Variants in RBFOX1 observed in about 807,000 individuals in gnomAD.
RBFOX1 encodes RNA binding protein fox-1 homolog 1.
Under a neutral mutation model 57.7 loss-of-function variants are expected in RBFOX1, and 8 were observed. That is an observed-to-expected ratio of 0.14 (90% CI 0.08 to 0.25). RBFOX1 has a LOEUF of 0.25. Among genes scored for constraint, RBFOX1 ranks in the 10% least tolerant of loss-of-function variants. The pLI is 1.00. For synonymous variants in RBFOX1, 326 were observed against 222.4 expected, an observed-to-expected ratio of 1.47 and a Z score of -4.15; for missense variants, 611 against 548.5, an observed-to-expected ratio of 1.11 and a Z score of -1.14.
chr16:7,449,608 A>T (rs767869704), intron 4 of RBFOX1, among the ~76,000 whole-genome samples: 2 of 151,440 alleles, frequency 1.3e-5, no homozygotes, highest in African/African-American at 4.9e-5. Flanking sequence ...TCTCTACTCA[A>T]TTCAAGCCTG....
intron 14 of RBFOX1, among the ~76,000 whole-genome samples, chr16:7,706,065 G>C (rs1598589983): frequency 6.6e-6 from 1 of 152,126 alleles, no homozygotes; most frequent in Admixed American, 6.5e-5. Context: ...GCTGTGCTTA[G>C]CCAGCTCTGA....
intron 2 of RBFOX1, among the ~76,000 whole-genome samples, chr16:6,629,465 C>T (rs563095637): frequency 6.6e-6 from 1 of 152,152 alleles, no homozygotes; most frequent in East Asian, 1.9e-4. Flanking sequence ...ATTAATGTCA[C>T]AAATAGTTAA....
chr16:6,775,590 C>A (rs2079185882), intron 3 of RBFOX1: 1 of 152,162 alleles, frequency 6.6e-6, no homozygotes, highest in Non-Finnish European at 1.5e-5. Flanking sequence ...ATGGAGGGTT[C>A]TGACAGTTAT....
intron 3 of RBFOX1, among the ~76,000 whole-genome samples, chr16:6,927,454 G>T (rs1364894820): frequency 7.5e-6 from 1 of 132,952 alleles, no homozygotes; most frequent in East Asian, 2.0e-4. Context: ...AACGTCTCGT[G>T]TTAACAGGCT....
chr16:7,067,756 A>C (rs1010042514), intron 4 of RBFOX1, among the ~76,000 whole-genome samples: 4 of 140,540 alleles, frequency 2.8e-5, no homozygotes, highest in Non-Finnish European at 6.0e-5. Flanking sequence ...TCATTGTTCA[A>C]TTCCTACCTA....
chr16:5,776,802 C>T (rs1036799660), intron 3 of RBFOX1, among the ~76,000 whole-genome samples: 4 of 152,190 alleles, frequency 2.6e-5, no homozygotes, highest in Admixed American at 1.3e-4. Context: ...TCTACTTTCT[C>T]CCTCCAGAAC....
At chr16:7,365,783 T>C (rs17739222) in intron 4 of RBFOX1, among the ~76,000 whole-genome samples, 13,670 of 152,222 alleles carry the variant, frequency 0.09, 696 homozygotes, top group African/African-American at 0.14. Flanking sequence ...CAAGTCAGTG[T>C]ATGCAAAGTG....
chr16:5,699,624 GACATTTTTGGTTGTCAGCTCTGGGT>G (rs1188931969), intron 3 of RBFOX1, among the ~76,000 whole-genome samples: 7 of 152,092 alleles, frequency 4.6e-5, no homozygotes, highest in Non-Finnish European at 8.8e-5. Context: ...GCTCTGGGTA[GACATTTTTGGTTGTCAGCTCTGGGT>G]TGGGGTGTGC....
At chr16:5,240,717 A>C (rs1160249778) in intron 1 of RBFOX1, among the ~76,000 whole-genome samples, 2 of 152,208 alleles carry the variant, frequency 1.3e-5, no homozygotes, top group East Asian at 3.9e-4. Flanking sequence ...AGTTCCTTGC[A>C]TCCCTCGGGG....
intron 2 of RBFOX1, among the ~76,000 whole-genome samples, chr16:6,426,629 TC>T (rs2093937137): frequency 6.6e-6 from 1 of 151,980 alleles, no homozygotes; most frequent in Admixed American, 6.6e-5. Flanking sequence ...ACACCTTGTC[TC>T]AAAAATCAAA....
chr16:7,659,133 T>G (rs1480674193), intron 12 of RBFOX1, among the ~76,000 whole-genome samples: 8 of 152,230 alleles, frequency 5.3e-5, no homozygotes, highest in African/African-American at 1.9e-4. Context: ...CTCAGGTAAT[T>G]GTCATACATC....
At chr16:7,064,417 C>G (rs1184617037) in intron 4 of RBFOX1, among the ~76,000 whole-genome samples, 2 of 152,088 alleles carry the variant, frequency 1.3e-5, no homozygotes, top group Non-Finnish European at 2.9e-5. Flanking sequence ...GAGCTGCCTG[C>G]CTCAGCCTCC....
intron 1 of RBFOX1, among the ~76,000 whole-genome samples, chr16:6,251,448 A>G (rs1159027330): frequency 6.6e-6 from 1 of 152,140 alleles, no homozygotes; most frequent in Non-Finnish European, 1.5e-5. Context: ...TTAGGTCTCC[A>G]AAGTCCCCTT....
intron 3 of RBFOX1, among the ~76,000 whole-genome samples, chr16:5,850,192 G>C (rs2056858963): frequency 6.6e-6 from 1 of 152,146 alleles, no homozygotes; most frequent in African/African-American, 2.4e-5. Context: ...TTTATCCAGA[G>C]GGATAAGCGG....
chr16:7,477,310 A>G (rs1489098053), intron 4 of RBFOX1, among the ~76,000 whole-genome samples: 4 of 152,088 alleles, frequency 2.6e-5, no homozygotes, highest in East Asian at 1.9e-4. Flanking sequence ...ACATATATTC[A>G]TATCATCTAT....
intron 3 of RBFOX1, among the ~76,000 whole-genome samples, chr16:7,012,987 T>C (rs1596996103): frequency 6.6e-6 from 1 of 152,258 alleles, no homozygotes; most frequent in East Asian, 1.9e-4. Context: ...TTCAGTGGCG[T>C]TTCCTCAGTG....
intron 3 of RBFOX1, among the ~76,000 whole-genome samples, chr16:5,709,848 T>C (rs1331314106): frequency 1.7e-4 from 2 of 12,110 alleles, no homozygotes; most frequent in Non-Finnish European, 2.2e-4. Flanking sequence ...TATATATTTT[T>C]TTTTTTTTTT....
At chr16:7,046,295 G>A (rs1276770924) in intron 3 of RBFOX1, among the ~76,000 whole-genome samples, 1 of 150,968 alleles carries the variant, frequency 6.6e-6, no homozygotes, top group Non-Finnish European at 1.5e-5. Flanking sequence ...ATCATTATTT[G>A]TTCTGGATGT....
chr16:6,035,373 G>C (rs1338857604), intron 1 of RBFOX1, among the ~76,000 whole-genome samples: 1 of 152,266 alleles, frequency 6.6e-6, no homozygotes, highest in African/African-American at 2.4e-5. Context: ...CCTTGTGGCA[G>C]ATGCCAGTCT....
Sources: allele counts gnomAD v4.1 joint callset (sites outside exome capture counted in the v4.1 genomes callset), GRCh38; gene constraint gnomAD v4.1.1; transcripts MANE v1.5; gene names NCBI Gene and HGNC (gene_info 2026-07-23, HGNC 2026-07-21).